The following TLL2 variants were observed in gnomAD, a reference collection of about 807,000 sequenced individuals.
TLL2 encodes the protein tolloid-like protein 2.
In TLL2, 106 loss-of-function variants were observed where a neutral mutation model predicts 123.0. That is an observed-to-expected ratio of 0.86 (90% CI 0.74 to 1.01). The LOEUF (loss-of-function observed/expected upper bound fraction) is 1.01. TLL2 is among the 50% of genes least tolerant of loss of function. TLL2 has a pLI of 0.00. For synonymous variants in TLL2, 494 were observed against 516.8 expected (o/e 0.96, Z 0.60); for missense variants, 1,332 against 1,336.7 (o/e 1.00, Z 0.06).
At chr10:96,416,394 C>T (rs1846561797) in intron 7 of TLL2, among the ~76,000 whole-genome samples, 1 of 151,094 alleles carries the variant, frequency 6.6e-6, no homozygotes, top group African/African-American at 2.5e-5. Flanking sequence ...TGGGCACTTT[C>T]CTTGCACCAA....
intron 20 of TLL2, among the ~76,000 whole-genome samples, 184 bp downstream of exon 20, chr10:96,369,881 T>C (rs1846061707): frequency 6.6e-6 from 1 of 152,212 alleles, no homozygotes; most frequent in Non-Finnish European, 1.5e-5. Context: ...GGTCCCTGGC[T>C]GCCTCCCAAC....
At chr10:96,487,965 G>A (rs1166291613) in intron 1 of TLL2, among the ~76,000 whole-genome samples, 2 of 152,190 alleles carry the variant, frequency 1.3e-5, no homozygotes, top group East Asian at 3.8e-4. Context: ...GACGGTGAAG[G>A]AACCGAATCA....
rs1007681952 is a variant in TLL2, at chr10:96,432,933, T to C, written c.394A>G (p.Ser132Gly). Residue 132 changes from serine to glycine, a missense_variant, in exon 4 of 21, where the codon AGC becomes GGC. Ser to Gly is a moderately conservative substitution (Grantham distance 56, BLOSUM62 0). Coordinates refer to ENST00000357947, the MANE Select transcript of TLL2 (RefSeq NM_012465.4). ...DGRENTTLLH[S>G]PGTLHAAAKT... The stretch of plus-strand genomic sequence containing the variant: ...GCTGCGGCATGCAAGGTCCCAGGGC[T>C]GTGCAGGAGTGTGGTATTCTCCCGG... The C allele has an allele frequency of 6.2e-7, 1 of 1,613,864 alleles. No individual in the cohort carries two copies. Among genetic ancestry groups the C allele is most frequent in the Non-Finnish European group, 8.5e-7 (1 of 1,179,840 alleles).
chr10:96,458,694 C>T (rs1164430972), intron 2 of TLL2, among the ~76,000 whole-genome samples: 1 of 151,340 alleles, frequency 6.6e-6, no homozygotes. Context: ...TTGCTTGAAC[C>T]CAGGAGGCAG....
intron 18 of TLL2, chr10:96,375,306 C>T (rs568592851): frequency 6.6e-6 from 1 of 152,336 alleles, no homozygotes; most frequent in South Asian, 2.1e-4. Context: ...GTATTCAACT[C>T]ACATTCTATG....
chr10:96,386,204 C>T lies in TLL2; in HGVS notation c.1864G>A (p.Gly622Ser), dbSNP rs147141398. The T allele has an allele frequency of 4.1e-5, 66 of 1,595,722 alleles. No homozygotes were observed. The African/African-American group carries it at 5.5e-4, about 13-fold the overall frequency. Residue 622 changes from glycine to serine, a missense_variant, in exon 15 of 21, where the codon GGT (glycine) becomes AGT (serine). Physicochemically the swap from Gly to Ser is moderately conservative, Grantham distance 56 (BLOSUM62 0). Transcript: ENST00000357947. ...DKKMCEVACG[G>S]FITKLNGTIT... ...GTTCCATTCAGCTTGGTAATGAAAC[C>T]GCCACAGGCCACTGCACGGGGGAAA...
At chr10:96,378,905 CAG>C (rs1404267892) in intron 17 of TLL2, 60 bp downstream of exon 17, 13 of 1,599,632 alleles carry the variant, frequency 8.1e-6, no homozygotes, top group African/African-American at 2.7e-5. Context: ...CACATGCACA[CAG>C]GGGCATGGGG....
At chr10:96,476,246 T>TATATATATA (rs1564915011) in intron 2 of TLL2, among the ~76,000 whole-genome samples, 1 of 16,154 alleles carries the variant, frequency 6.2e-5, no homozygotes. Context: ...ATATATTTTA[T>TATATATATA]TTTTGTTGTT....
At position 96,370,066 on chromosome 10, in the gene TLL2, C is replaced by T; in HGVS notation, c.2912G>A (p.Gly971Glu). 2 of 1,586,586 alleles carry T rather than the reference C, an allele frequency of 1.3e-6. No homozygotes were observed. Among genetic ancestry groups the T allele is most frequent in the East Asian group, 2.3e-5 (1 of 44,382 alleles). Reference sequence around the variant, plus strand: ...GGCCCCAGCGTCTCCGGGACTTACCCCAGAGCCACAGAAGCGGCCGAGCCT... The same window carrying T: ...GGCCCCAGCGTCTCCGGGACTTACCTCAGAGCCACAGAAGCGGCCGAGCCT... ...APRLGRFCGS[G>E]PLEEIYSAGD... The change falls in exon 20 of 21, where the codon GGG becomes GAG. Residue 971 changes from glycine to glutamate, a missense_variant and splice_region_variant. By Grantham distance (98) the Gly-to-Glu change is moderately conservative. Coordinates refer to ENST00000357947, the MANE Select transcript of TLL2 (RefSeq NM_012465.4).
At position 96,386,078 on chromosome 10, in the gene TLL2, C is replaced by T; in HGVS notation, c.1990G>A (p.Val664Met). 1 of 1,607,926 alleles carries T rather than the reference C, an allele frequency of 6.2e-7. No individual in the cohort carries two copies. The highest frequency in any genetic ancestry group is 1.7e-5 in the Admixed American group (1 of 59,136). ...AQYRISLQFE[V>M]FELEGNDVCK... is the part of the protein sequence containing the mutation. Reference sequence around the variant, plus strand: ...ACGTCATTGCCTTCCAGTTCAAACACTTCAAACTGAAGGGAGATCCGGTAC... The same window carrying T: ...ACGTCATTGCCTTCCAGTTCAAACATTTCAAACTGAAGGGAGATCCGGTAC... The change falls in exon 15 of 21, where the codon GTG (valine) becomes ATG (methionine). Residue 664 changes from valine (V) to methionine (M), a missense_variant. Coordinates refer to ENST00000357947, the MANE Select transcript of TLL2 (RefSeq NM_012465.4).
chr10:96,379,160 C>G lies in TLL2; in HGVS notation c.2195-68G>C, dbSNP rs1053609596. On this transcript the variant is annotated intron_variant, in intron 16 of 20. Transcript: ENST00000357947. ...GCAAATGTCCCTCAGGGCTCAGAATCCCACTTAAAAGTGGCCTCCTCTGGG... is the reference window on the plus strand; with the variant it reads ...GCAAATGTCCCTCAGGGCTCAGAATGCCACTTAAAAGTGGCCTCCTCTGGG... The G allele has an allele frequency of 1.9e-6, 3 of 1,573,886 alleles. No individual in the cohort carries two copies. The African/African-American group carries it at 4.0e-5, about 21-fold the overall frequency.
chr10:96,410,056 C>T (rs528575211), intron 9 of TLL2, among the ~76,000 whole-genome samples: 152 of 152,216 alleles, frequency 1.0e-3, no homozygotes, highest in African/African-American at 3.3e-3. Flanking sequence ...AGCAGCAATC[C>T]GAGGTGTCAC....
At chr10:96,438,206 T>C (rs187918772) in intron 3 of TLL2, among the ~76,000 whole-genome samples, 8 of 152,354 alleles carry the variant, frequency 5.3e-5, no homozygotes, top group Admixed American at 2.6e-4. Context: ...TGGAGAGAAC[T>C]TGGCACCTCT....
intron 1 of TLL2, among the ~76,000 whole-genome samples, chr10:96,486,198 T>C (rs374703009): frequency 5.3e-5 from 8 of 152,186 alleles, no homozygotes; most frequent in African/African-American, 1.9e-4. Context: ...AAGACGAGGA[T>C]TGACTATACG....
rs541292682 is a variant in TLL2, at chr10:96,467,726, T to C, written c.286+12623A>G. 7.8e-4 allele frequency among the ~76,000 whole-genome samples: 119 copies of C among 152,234 alleles called. No homozygotes were observed. The South Asian group carries it at 0.024, about 31-fold the overall frequency. ...AACTACTATTTAAGAACAAGAAACA[T>C]AGAACTCCATTCAATAAATACAAAC... On this transcript the variant is annotated intron_variant, in intron 2 of 20. Coordinates refer to ENST00000357947, the MANE Select transcript of TLL2 (RefSeq NM_012465.4).
intron 1 of TLL2, among the ~76,000 whole-genome samples, chr10:96,492,452 C>T (rs1847424046): frequency 6.6e-6 from 1 of 152,210 alleles, no homozygotes; most frequent in African/African-American, 2.4e-5. Flanking sequence ...GGTGAAAACC[C>T]GTCTCTACTA....
intron 10 of TLL2, among the ~76,000 whole-genome samples, chr10:96,400,469 T>C (rs1459119844): frequency 1.3e-5 from 2 of 152,014 alleles, no homozygotes; most frequent in African/African-American, 2.4e-5. Flanking sequence ...AATGTAGATG[T>C]CATCCCCATT....
At chr10:96,413,044 C>G in intron 8 of TLL2, 148 bp downstream of exon 8, 1 of 1,147,652 alleles carries the variant, frequency 8.7e-7, no homozygotes. Flanking sequence ...CCTTTCTATA[C>G]TGCCTAGCAC....
At chr10:96,492,821 C>T (rs985192523) in intron 1 of TLL2, among the ~76,000 whole-genome samples, 1 of 152,176 alleles carries the variant, frequency 6.6e-6, no homozygotes, top group Admixed American at 6.5e-5. Flanking sequence ...CTTCTGAGAT[C>T]TCCTTTCACT....
Sources: gnomAD v4.1 joint callset for allele counts (sites outside exome capture counted in the v4.1 genomes callset) on GRCh38, gnomAD v4.1.1 for gene constraint, MANE v1.5 for transcripts, NCBI Gene and HGNC (gene_info 2026-07-23, HGNC 2026-07-21) for gene names.